The following ZDHHC17 variants were observed in gnomAD, a reference collection of about 807,000 sequenced individuals.
ZDHHC17 encodes zDHHC palmitoyltransferase 17.
A neutral mutation model predicts 90.3 loss-of-function variants in ZDHHC17; 40 were observed. The observed-to-expected ratio is 0.44, with a 90% confidence interval of 0.34 to 0.58. The LOEUF (loss-of-function observed/expected upper bound fraction) is 0.58, where lower values mean the gene tolerates loss of function less well. ZDHHC17 is among the 20% of genes least tolerant of loss of function. ZDHHC17 has a pLI of 0.01. For synonymous variants in ZDHHC17, 235 were observed against 252.4 expected (o/e 0.93, Z 0.65); for missense variants, 614 against 780.8 (o/e 0.79, Z 2.55).
At chr12:76,764,427 G>A (rs2137700344) in intron 1 of ZDHHC17, 98 bp downstream of exon 1, 1 of 1,192,070 alleles carries the variant, frequency 8.4e-7, no homozygotes, top group Non-Finnish European at 1.2e-6. Context: ...TGGGGTAGTG[G>A]GACGTGCCGA....
intron 2 of ZDHHC17, among the ~76,000 whole-genome samples, chr12:76,799,195 G>A (rs544413146): frequency 1.3e-5 from 2 of 152,256 alleles, no homozygotes; most frequent in African/African-American, 2.4e-5. Context: ...AGAATTAATA[G>A]TCATATTTCC....
intron 1 of ZDHHC17, among the ~76,000 whole-genome samples, chr12:76,789,588 G>A (rs565080355): frequency 2.6e-5 from 4 of 152,168 alleles, no homozygotes; most frequent in African/African-American, 9.6e-5. Flanking sequence ...ATGTGTAATG[G>A]CATAAAGAAA....
intron 7 of ZDHHC17, among the ~76,000 whole-genome samples, chr12:76,821,657 G>T (rs1392474275): frequency 6.6e-6 from 1 of 152,048 alleles, no homozygotes; most frequent in African/African-American, 2.4e-5. Flanking sequence ...GGAAATGTAG[G>T]TGTCTGACTA....
In ZDHHC17 at chr12:76,764,305, C is replaced by T. The variant is rs1952401190; in HGVS notation, c.69C>T (p.Gly23=). The T allele has an allele frequency of 4.4e-6, 7 of 1,603,722 alleles. No homozygotes were observed. The highest frequency in any genetic ancestry group is 5.1e-6 in the Non-Finnish European group (6 of 1,175,246). Reference sequence around the variant, plus strand: ...CGGATGAGTACGATACCGAAGCGGGCTGTGTGCCCCTTCTCCACCCAGAGG... The same window carrying T: ...CGGATGAGTACGATACCGAAGCGGGTTGTGTGCCCCTTCTCCACCCAGAGG... ...DGPDEYDTEA[G]CVPLLHPEEI... Residue 23 remains glycine, a synonymous_variant, in exon 1 of 17, where the codon GGC becomes GGT. Transcript: ENST00000426126.
intron 1 of ZDHHC17, among the ~76,000 whole-genome samples, chr12:76,778,178 A>G (rs1020002668): frequency 5.3e-5 from 8 of 152,094 alleles, no homozygotes; most frequent in Non-Finnish European, 1.0e-4. Context: ...AGAAGTCTAT[A>G]TTGCAGACAG....
chr12:76,790,252 A>T (rs1472027865), intron 1 of ZDHHC17, among the ~76,000 whole-genome samples: 1 of 152,188 alleles, frequency 6.6e-6, no homozygotes, highest in African/African-American at 2.4e-5. Flanking sequence ...CTGTAATCCC[A>T]TCACTTTGGG....
rs1953562004 is a variant in ZDHHC17 at position 76,851,088 on chromosome 12, C to T, written c.*103C>T. The T allele has an allele frequency of 9.8e-6, 14 of 1,429,222 alleles. No individual in the cohort carries two copies. In the South Asian group the frequency reaches 1.7e-4, roughly 18 times the overall value. 88.5% of individuals were successfully genotyped at this position (1,429,222 alleles called of 1,614,324 possible). On this transcript the variant is annotated 3_prime_UTR_variant, in exon 17 of 17. Coordinates refer to ENST00000426126, the MANE Select transcript of ZDHHC17 (RefSeq NM_015336.4). ...TCCACATCCTTTGAACAAGAGCATG[C>T]TATGTGTAGGGCTAATGGTGAATTT...
At chr12:76,779,325 G>T (rs1952597674) in intron 1 of ZDHHC17, among the ~76,000 whole-genome samples, 1 of 152,128 alleles carries the variant, frequency 6.6e-6, no homozygotes, top group South Asian at 2.1e-4. Context: ...CCAAGACGGG[G>T]TACTTTATAA....
chr12:76,821,233 G>C, intron 7 of ZDHHC17: 1 of 875,904 alleles, frequency 1.1e-6, no homozygotes, highest in Non-Finnish European at 1.5e-6. Context: ...TTTGGAATAG[G>C]TAAGGCAATA....
rs1953498262 is a variant in ZDHHC17 at position 76,846,630 on chromosome 12, ATTC to A, written c.1464_1466del (p.Phe488del). On this transcript the variant is annotated inframe_deletion, in exon 14 of 17. Transcript: ENST00000426126. ...ACCATAGATATTTTATGGGCTACCTATTCTTCTTGCTTTTTATGATCTGCTGGA... is the reference window on the plus strand; with the variant it reads ...ACCATAGATATTTTATGGGCTACCTATTCTTGCTTTTTATGATCTGCTGGA... 1.9e-6 allele frequency: 3 copies of A among 1,612,448 alleles called. No homozygotes were observed. Among genetic ancestry groups the A allele is most frequent in the Non-Finnish European group, 2.5e-6 (3 of 1,179,060 alleles).
intron 5 of ZDHHC17, among the ~76,000 whole-genome samples, chr12:76,812,210 G>A (rs947517336): frequency 6.6e-6 from 1 of 152,074 alleles, no homozygotes; most frequent in Non-Finnish European, 1.5e-5. Flanking sequence ...TACTGTGAGG[G>A]CCCAGAGTTT....
At chr12:76,777,264 G>A (rs773341353) in intron 1 of ZDHHC17, among the ~76,000 whole-genome samples, 9 of 152,138 alleles carry the variant, frequency 5.9e-5, no homozygotes, top group Non-Finnish European at 8.8e-5. Flanking sequence ...TTTTAAGAAT[G>A]TTACATAAGT....
At chr12:76,774,249 CAAAAT>C (rs1225495095) in intron 1 of ZDHHC17, among the ~76,000 whole-genome samples, 1 of 107,528 alleles carries the variant, frequency 9.3e-6, no homozygotes, top group Admixed American at 1.0e-4. Flanking sequence ...GACCCTGTCT[CAAAAT>C]AAAGAATGTG....
Position 76,846,767 on chromosome 12 carries a change from A to G in ZDHHC17, c.1507+88A>G, listed in dbSNP as rs1253173332. ...CACACTAACAAATTACTATAATGAC[A>G]AAGGTCGTTTAACTAAAATTATGGT... On this transcript the variant is annotated intron_variant, in intron 14 of 16. Coordinates refer to ENST00000426126, the MANE Select transcript of ZDHHC17 (RefSeq NM_015336.4). 3 of 1,199,544 alleles carry G rather than the reference A, an allele frequency of 2.5e-6. No individual in the cohort carries two copies. The Admixed American group carries it at 7.1e-5, about 28-fold the overall frequency. 74.3% of individuals were successfully genotyped at this position (1,199,544 alleles called of 1,614,324 possible). A position where few individuals can be genotyped will look rare whatever the true frequency, so the allele number is the denominator to read the frequency against.
chr12:76,812,945 C>T (rs1446449934), intron 5 of ZDHHC17, among the ~76,000 whole-genome samples: 2 of 152,126 alleles, frequency 1.3e-5, no homozygotes, highest in South Asian at 4.1e-4. Context: ...TTAATTCTTC[C>T]TAATAGAGAA....
chr12:76,847,011 T>G (rs902657172), intron 14 of ZDHHC17, among the ~76,000 whole-genome samples: 7 of 152,226 alleles, frequency 4.6e-5, no homozygotes, highest in Admixed American at 4.6e-4. Context: ...ATAGATTAAG[T>G]GATTGTCTTA....
At chr12:76,817,080 G>A (rs1221502034) in intron 7 of ZDHHC17, among the ~76,000 whole-genome samples, 5 of 152,048 alleles carry the variant, frequency 3.3e-5, no homozygotes, top group African/African-American at 4.8e-5. Flanking sequence ...GAAGATTTAT[G>A]TAGTCTTGAG....
In ZDHHC17 at chr12:76,822,508, C is replaced by G. The variant is rs1385232253; in HGVS notation, c.874C>G (p.Leu292Val). ...QAKGYDNPSF[L>V]RKLKADKEFR... The stretch of plus-strand genomic sequence containing the variant: ...AAAAGGATATGACAATCCGTCCTTC[C>G]TTAGAAAGCTGAAAGCTGATAAGGT... Residue 292 changes from leucine to valine, a missense_variant, in exon 8 of 17, where the codon CTT becomes GTT. Leu to Val is a conservative substitution (Grantham distance 32). Transcript: ENST00000426126. The G allele has an allele frequency of 5.6e-6, 9 of 1,604,752 alleles. No individual in the cohort carries two copies. Among genetic ancestry groups the G allele is most frequent in the African/African-American group, 2.7e-5 (2 of 74,510 alleles).
chr12:76,792,870 TA>T (rs1470107111), intron 1 of ZDHHC17, among the ~76,000 whole-genome samples: 11 of 152,184 alleles, frequency 7.2e-5, no homozygotes, highest in Non-Finnish European at 1.6e-4. Context: ...GGTTCCTACA[TA>T]AGCAAACCCA....
Sources: gnomAD v4.1 joint callset for allele counts (sites outside exome capture counted in the v4.1 genomes callset) on GRCh38, gnomAD v4.1.1 for gene constraint, MANE v1.5 for transcripts, NCBI Gene and HGNC (gene_info 2026-07-23, HGNC 2026-07-21) for gene names.